The following RAB27A variants were observed in gnomAD, a reference collection of about 807,000 sequenced individuals.
The protein encoded by RAB27A is RAB27A, member RAS oncogene family, also known as ras-related protein Rab-27A.
Under a neutral mutation model 20.8 loss-of-function variants are expected in RAB27A, and 17 were observed. The ratio of observed to expected loss-of-function variants is 0.82; its 90% CI spans 0.56 to 1.23. RAB27A has a LOEUF of 1.23. RAB27A is among the 50% of genes most tolerant of loss of function. RAB27A has a pLI of 0.00. For synonymous variants in RAB27A, 85 were observed against 92.8 expected (o/e 0.92, Z 0.48); for missense variants, 277 against 266.7 (o/e 1.04, Z -0.27).
At chr15:55,310,468 A>G (rs1316478170) in intron 2 of RAB27A, among the ~76,000 whole-genome samples, 1 of 152,190 alleles carries the variant, frequency 6.6e-6, no homozygotes, top group Non-Finnish European at 1.5e-5. Flanking sequence ...CCTTCCAGTC[A>G]TTCCCTTGAC....
At chr15:55,272,934 A>G (rs1897750611) in intron 1 of RAB27A, among the ~76,000 whole-genome samples, 1 of 152,220 alleles carries the variant, frequency 6.6e-6, no homozygotes, top group South Asian at 2.1e-4. Flanking sequence ...GGGGGACAGT[A>G]ACATAGGGAC....
At chr15:55,259,048 GCAAGTGATCCGCC>G (rs1897182640) in intron 2 of RAB27A, among the ~76,000 whole-genome samples, 1 of 152,074 alleles carries the variant, frequency 6.6e-6, no homozygotes, top group East Asian at 1.9e-4. Context: ...ACTCCTAGCG[GCAAGTGATCCGCC>G]CACCTTGGCC....
chr15:55,303,639 G>T (rs1228719612), intron 2 of RAB27A, among the ~76,000 whole-genome samples: 1 of 99,528 alleles, frequency 1.0e-5, no homozygotes, highest in African/African-American at 4.0e-5. Context: ...CCGGCCAGCC[G>T]CCCCGTCCGG....
chr15:55,286,340 C>T (rs1898152287), intron 1 of RAB27A, among the ~76,000 whole-genome samples: 1 of 152,128 alleles, frequency 6.6e-6, no homozygotes, highest in Non-Finnish European at 1.5e-5. Flanking sequence ...ACTGGCCATC[C>T]TGGAGCTTGT....
At chr15:55,286,171 G>A (rs1478981591) in intron 1 of RAB27A, among the ~76,000 whole-genome samples, 2 of 152,134 alleles carry the variant, frequency 1.3e-5, no homozygotes, top group Non-Finnish European at 1.5e-5. Context: ...AGCAGGGTTG[G>A]GCCTGGTTAG....
At chr15:55,280,506 TA>T (rs1566934836) in intron 1 of RAB27A, among the ~76,000 whole-genome samples, 20 of 119,902 alleles carry the variant, frequency 1.7e-4, no homozygotes, top group African/African-American at 8.4e-4. Context: ...GTATGGTTTA[TA>T]TATATATATA....
intron 1 of RAB27A, among the ~76,000 whole-genome samples, chr15:55,288,639 AAAGG>A (rs1284168178): frequency 2.0e-5 from 3 of 152,184 alleles, no homozygotes; most frequent in Non-Finnish European, 4.4e-5. Flanking sequence ...AGAATGGTAG[AAAGG>A]AAGGAAGAAA....
At chr15:55,222,988 A>ATGCTGCTGC (rs148830551) in intron 6 of RAB27A, among the ~76,000 whole-genome samples, 1 of 151,600 alleles carries the variant, frequency 6.6e-6, no homozygotes, top group African/African-American at 2.4e-5. Context: ...TGTCCAGTTC[A>ATGCTGCTGC]TGCTGCTGCT....
intron 6 of RAB27A, among the ~76,000 whole-genome samples, chr15:55,209,954 G>T (rs530482797): frequency 7.7e-6 from 1 of 129,486 alleles, no homozygotes; most frequent in Non-Finnish European, 1.6e-5. Context: ...ACACACATAC[G>T]CATATATGTG....
At chr15:55,311,256 C>G (rs2055019467) in intron 2 of RAB27A, among the ~76,000 whole-genome samples, 1 of 152,212 alleles carries the variant, frequency 6.6e-6, no homozygotes, top group Non-Finnish European at 1.5e-5. Context: ...TGTCCTAACC[C>G]TTGTAAAACC....
At chr15:55,244,447 A>T (rs1288519609) in intron 2 of RAB27A, among the ~76,000 whole-genome samples, 8 of 152,176 alleles carry the variant, frequency 5.3e-5, no homozygotes, top group Admixed American at 4.6e-4. Flanking sequence ...GGATCACAGC[A>T]GTGCACAACA....
At chr15:55,308,203 T>C (rs1333099748) in intron 2 of RAB27A, among the ~76,000 whole-genome samples, 2 of 152,168 alleles carry the variant, frequency 1.3e-5, no homozygotes, top group Admixed American at 6.5e-5. Context: ...CTTTCCTTTC[T>C]GATGACCCCG....
At chr15:55,263,470 C>T (rs1897347703) in intron 2 of RAB27A, among the ~76,000 whole-genome samples, 1 of 152,088 alleles carries the variant, frequency 6.6e-6, no homozygotes, top group Non-Finnish European at 1.5e-5. Flanking sequence ...TCTAGAGAAA[C>T]ATCGAAAATG....
intron 1 of RAB27A, among the ~76,000 whole-genome samples, chr15:55,314,550 G>A (rs1307446771): frequency 6.6e-6 from 1 of 152,192 alleles, no homozygotes; most frequent in South Asian, 2.1e-4. Context: ...TCCTTAAGCT[G>A]ATAAGCAACT....
rs536684297 is a variant in RAB27A at position 55,218,442 on chromosome 15, A to G, written c.467+5447T>C. Among the ~76,000 whole-genome samples the G allele has an allele frequency of 2.4e-4, 36 of 152,378 alleles. No individual in the cohort carries two copies. The South Asian group carries it at 7.0e-3, about 30-fold the overall frequency. Reference sequence around the variant, plus strand: ...TCAAGAAAAGATGTAATCAAGTTTTAAAAGACTAAACTATTAGAGATCAAG... The same window carrying G: ...TCAAGAAAAGATGTAATCAAGTTTTGAAAGACTAAACTATTAGAGATCAAG... On this transcript the variant is annotated intron_variant, in intron 6 of 6. Transcript: ENST00000336787.
chr15:55,249,352 G>A (rs1323341752), intron 2 of RAB27A, among the ~76,000 whole-genome samples: 2 of 152,006 alleles, frequency 1.3e-5, no homozygotes, highest in East Asian at 1.9e-4. Flanking sequence ...ATGTCTCACC[G>A]CAGCCTTGAC....
At chr15:55,239,141 A>T (rs1896381205) in intron 2 of RAB27A, among the ~76,000 whole-genome samples, 2 of 152,222 alleles carry the variant, frequency 1.3e-5, no homozygotes, top group Non-Finnish European at 2.9e-5. Context: ...TTACTAAATC[A>T]AACTGTGCTG....
chr15:55,302,888 G>A (rs1379923202), intron 2 of RAB27A, among the ~76,000 whole-genome samples: 3 of 138,290 alleles, frequency 2.2e-5, no homozygotes, highest in African/African-American at 5.7e-5. Flanking sequence ...CAGCTGCCCC[G>A]TCTGAGAAGT....
rs953789672 is a variant in RAB27A, at chr15:55,203,729, C to G, written c.*1778G>C. The stretch of plus-strand genomic sequence containing the variant: ...GAGCCACCGCGCCTGGCCAACCCTG[C>G]TCTTGAAATGTCTAAATCTTTTCCT... On this transcript the variant is annotated 3_prime_UTR_variant, in exon 7 of 7. Transcript: ENST00000336787. The G allele has an allele frequency of 2.0e-5, 3 of 151,808 alleles. No individual in the cohort carries two copies. Among genetic ancestry groups the G allele is most frequent in the African/African-American group, 4.8e-5 (2 of 41,336 alleles). The allele number at this position is 151,808 out of a possible 1,614,324, so 9.4% of individuals were successfully genotyped here. A position where few individuals can be genotyped will look rare whatever the true frequency, so the allele number is the denominator to read the frequency against.
Sources: gnomAD v4.1 joint callset for allele counts (sites outside exome capture counted in the v4.1 genomes callset) on GRCh38, gnomAD v4.1.1 for gene constraint, MANE v1.5 for transcripts, NCBI Gene and HGNC (gene_info 2026-07-23, HGNC 2026-07-21) for gene names.